Variants in RORA observed in about 807,000 individuals in gnomAD.
RORA encodes nuclear receptor ROR-alpha.
RORA carries 7 observed loss-of-function variants against 69.5 expected under a neutral mutation model. The ratio of observed to expected loss-of-function variants is 0.10; its 90% CI spans 0.06 to 0.19. The LOEUF (loss-of-function observed/expected upper bound fraction) is 0.19, where lower values mean the gene tolerates loss of function less well. RORA is among the 10% of genes least tolerant of loss of function. The pLI, the probability that RORA is intolerant of heterozygous loss-of-function variation, is 1.00. For synonymous variants in RORA, 261 were observed against 240.8 expected (o/e 1.08, Z -0.78); for missense variants, 457 against 663.0 (o/e 0.69, Z 3.41).
At chr15:61,137,083 GAAA>G (rs2079251356) in intron 1 of RORA, among the ~76,000 whole-genome samples, 1 of 146,492 alleles carries the variant, frequency 6.8e-6, no homozygotes, top group Non-Finnish European at 1.5e-5. Flanking sequence ...AAGAAAGAAA[GAAA>G]GAAAGAAAGA....
intron 1 of RORA, among the ~76,000 whole-genome samples, chr15:61,069,646 T>C (rs530874369): frequency 1.9e-4 from 29 of 151,560 alleles, no homozygotes; most frequent in South Asian, 4.2e-4. Flanking sequence ...TTAATCCACA[T>C]TGTGAAAAAG....
intron 1 of RORA, among the ~76,000 whole-genome samples, chr15:60,868,032 A>G (rs1472800362): frequency 3.3e-5 from 5 of 152,164 alleles, no homozygotes; most frequent in African/African-American, 1.2e-4. Context: ...GTTTCCTTCT[A>G]TTTTCCCCAA....
intron 2 of RORA, chr15:60,558,351 C>A (rs1461453868): frequency 1.5e-6 from 2 of 1,306,712 alleles, no homozygotes; most frequent in Non-Finnish European, 2.2e-6. Flanking sequence ...TACTAATGGG[C>A]ATTAATTAGT....
intron 1 of RORA, chr15:60,848,653 G>T: frequency 6.5e-6 from 1 of 154,062 alleles, no homozygotes; most frequent in South Asian, 2.0e-4. Context: ...CATGAAGCAT[G>T]GCTGGGGAGG....
intron 1 of RORA, among the ~76,000 whole-genome samples, chr15:60,844,917 G>C (rs1032565945): frequency 1.3e-5 from 2 of 152,104 alleles, no homozygotes; most frequent in African/African-American, 4.8e-5. Context: ...ATAATGAAAC[G>C]GTTTGTGGCC....
In RORA at chr15:60,490,579, A is replaced by G. The variant is rs2065025951; in HGVS notation, c.*6876T>C. On this transcript the variant is annotated 3_prime_UTR_variant, in exon 11 of 11. Coordinates refer to ENST00000335670, the MANE Select transcript of RORA (RefSeq NM_134261.3). The surrounding 1 kb of genome is among the most constrained non-coding windows in gnomAD (Gnocchi z 4.1). ...GAGAAAATGTTTACAGGCCGTTACA[A>G]GTTCTTAAGTTAATAGTAAATAAGG... is the stretch of plus-strand genomic sequence containing the variant. 6.6e-6 allele frequency: 1 copy of G among 152,174 alleles called. No homozygotes were observed. Among genetic ancestry groups the G allele is most frequent in the South Asian group, 2.1e-4 (1 of 4,838 alleles). The allele number at this position is 152,174 out of a possible 1,614,324, so 9.4% of individuals were successfully genotyped here. A position where few individuals can be genotyped will look rare whatever the true frequency, so the allele number is the denominator to read the frequency against.
intron 1 of RORA, among the ~76,000 whole-genome samples, chr15:60,778,301 T>C (rs1423184456): frequency 1.1e-5 from 1 of 91,210 alleles, no homozygotes; most frequent in Non-Finnish European, 2.0e-5. Context: ...GTTATTGTGA[T>C]TTTTTTTTTC....
At chr15:60,998,953 T>G (rs567086874) in intron 1 of RORA, among the ~76,000 whole-genome samples, 3 of 152,126 alleles carry the variant, frequency 2.0e-5, no homozygotes, top group Non-Finnish European at 4.4e-5. Context: ...GAGGTCTGTC[T>G]CTTTGGGAGA....
At chr15:61,121,762 C>T (rs1438160908) in intron 1 of RORA, among the ~76,000 whole-genome samples, 2 of 150,840 alleles carry the variant, frequency 1.3e-5, no homozygotes, top group African/African-American at 2.4e-5. Flanking sequence ...ATTCAGAACA[C>T]ACACCCATCC....
chr15:61,227,643 T>C (rs1420916736), intron 1 of RORA, among the ~76,000 whole-genome samples: 1 of 151,598 alleles, frequency 6.6e-6, no homozygotes, highest in Non-Finnish European at 1.5e-5. Context: ...AACTACAACA[T>C]CGAGAGGAAG....
chr15:61,200,213 C>A (rs1318769554), intron 1 of RORA, among the ~76,000 whole-genome samples: 1 of 152,160 alleles, frequency 6.6e-6, no homozygotes, highest in Non-Finnish European at 1.5e-5. Flanking sequence ...TGCTTCGTTT[C>A]TGGCATCAAC....
At chr15:60,544,566 T>A (rs913233181) in intron 2 of RORA, among the ~76,000 whole-genome samples, 2 of 152,174 alleles carry the variant, frequency 1.3e-5, no homozygotes, top group Non-Finnish European at 2.9e-5. Flanking sequence ...TGTCTTGCCA[T>A]TACAGATGAG....
intron 1 of RORA, among the ~76,000 whole-genome samples, chr15:60,705,003 T>C (rs989511054): frequency 1.3e-5 from 2 of 152,208 alleles, no homozygotes; most frequent in Non-Finnish European, 2.9e-5. Flanking sequence ...GCAATGCTTT[T>C]CGTGAGCCCA....
At chr15:60,813,829 A>G (rs2072775699) in intron 1 of RORA, among the ~76,000 whole-genome samples, 1 of 152,348 alleles carries the variant, frequency 6.6e-6, no homozygotes, top group South Asian at 2.1e-4. Flanking sequence ...ATAATTTTAT[A>G]TAATAGAAAA....
intron 1 of RORA, among the ~76,000 whole-genome samples, chr15:61,007,164 T>C (rs1195245559): frequency 2.0e-5 from 3 of 152,144 alleles, no homozygotes; most frequent in African/African-American, 4.8e-5. Flanking sequence ...AAAGGACCAA[T>C]TTGATATAGG....
intron 2 of RORA, among the ~76,000 whole-genome samples, chr15:60,618,144 C>T (rs1261334493): frequency 6.6e-6 from 1 of 152,222 alleles, no homozygotes; most frequent in East Asian, 1.9e-4. Flanking sequence ...TAACACTTAG[C>T]TTGGCTGGTT....
intron 3 of RORA, among the ~76,000 whole-genome samples, chr15:60,523,466 G>C (rs2066244478): frequency 6.6e-6 from 1 of 152,150 alleles, no homozygotes; most frequent in African/African-American, 2.4e-5. Context: ...CAATGAGATA[G>C]ATACCAAAGT....
At chr15:60,580,706 G>GCTCC (rs1465156470) in intron 2 of RORA, among the ~76,000 whole-genome samples, 8 of 152,202 alleles carry the variant, frequency 5.3e-5, no homozygotes, top group Admixed American at 5.2e-4. Flanking sequence ...AGCTCTGGGA[G>GCTCC]CTCCCCCTGA....
At chr15:60,703,126 AACACAC>A (rs33962963) in intron 1 of RORA, among the ~76,000 whole-genome samples, 2,005 of 145,516 alleles carry the variant, frequency 0.014, 38 homozygotes, top group African/African-American at 0.036. Flanking sequence ...GCTTCAGATT[AACACAC>A]ACACACACAC....
Sources: gnomAD v4.1 joint callset for allele counts (sites outside exome capture counted in the v4.1 genomes callset) on GRCh38, gnomAD v4.1.1 for gene constraint, Gnocchi (gnomAD v3.1) non-coding constraint, MANE v1.5 for transcripts, NCBI Gene and HGNC (gene_info 2026-07-23, HGNC 2026-07-21) for gene names.